The following FHIT variants were observed in gnomAD, a reference collection of about 807,000 sequenced individuals.
FHIT encodes the protein fragile histidine triad diadenosine triphosphatase, also known as bis(5'-adenosyl)-triphosphatase.
A neutral mutation model predicts 17.9 loss-of-function variants in FHIT; 19 were observed. The ratio of observed to expected loss-of-function variants is 1.06; its 90% CI spans 0.74 to 1.56. FHIT has a LOEUF of 1.56. Among genes scored for constraint, FHIT ranks in the 40% most tolerant of loss-of-function variants. The pLI, the probability that FHIT is intolerant of heterozygous loss-of-function variation, is 0.00. For missense variants in FHIT, 248 were observed against 189.2 expected, an observed-to-expected ratio of 1.31 and a Z score of -1.82; for synonymous variants, 81 against 69.7, an observed-to-expected ratio of 1.16 and a Z score of -0.81.
At position 60,612,910 on chromosome 3, in the gene FHIT, A is replaced by T. The variant is rs193204416; in HGVS notation, c.-17-75931T>A. ...GTATCTCAGGTAACTGCCAGCAACGAATCATATTTGGCATGAATGATAAAA... is the reference window on the plus strand; with the variant it reads ...GTATCTCAGGTAACTGCCAGCAACGTATCATATTTGGCATGAATGATAAAA... On this transcript the variant is annotated intron_variant, in intron 4 of 9. Coordinates refer to ENST00000492590, the MANE Select transcript of FHIT (RefSeq NM_002012.4). Among the ~76,000 whole-genome samples, 432 of 152,312 alleles carry T rather than the reference A, an allele frequency of 2.8e-3. 2 individuals are homozygous for T. Among genetic ancestry groups the T allele is most frequent in the South Asian group, 7.7e-3 (37 of 4,822 alleles).
At position 61,099,970 on chromosome 3, in the gene FHIT, T is replaced by C. The variant is rs1576011797; in HGVS notation, c.-163-57871A>G. Among the ~76,000 whole-genome samples the C allele has an allele frequency of 2.0e-5, 3 of 152,332 alleles. No homozygotes were observed. The Middle Eastern group carries it at 0.01, about 518-fold the overall frequency. ...AAGGTTCCCGAATCCTTGCTGATGC[T>C]TGTTATTGTTGTCTGGTTTAGTGGG... On this transcript the variant is annotated intron_variant, in intron 2 of 9. Coordinates refer to ENST00000492590, the MANE Select transcript of FHIT (RefSeq NM_002012.4).
chr3:60,379,936 T>C lies in FHIT; in HGVS notation c.103+156924A>G, dbSNP rs2107106806. ...CTGTGTTTCAATTTACAATTTTGTT[T>C]AACATATAACCTTTAAGGTATTCAA... On this transcript the variant is annotated intron_variant, in intron 5 of 9. Coordinates refer to ENST00000492590, the MANE Select transcript of FHIT (RefSeq NM_002012.4). Among the ~76,000 whole-genome samples, 3 of 152,352 alleles carry C rather than the reference T, an allele frequency of 2.0e-5. No homozygotes were observed. The Middle Eastern group carries it at 0.01, about 518-fold the overall frequency.
At chr3:61,169,668 C>G (rs940518690) in intron 2 of FHIT, among the ~76,000 whole-genome samples, 1 of 151,912 alleles carries the variant, frequency 6.6e-6, no homozygotes, top group Non-Finnish European at 1.5e-5. Context: ...TAAAATGATA[C>G]AAGACAAAAA....
chr3:60,028,692 T>C (rs1170006165), intron 5 of FHIT, among the ~76,000 whole-genome samples: 1 of 152,202 alleles, frequency 6.6e-6, no homozygotes, highest in African/African-American at 2.4e-5. Context: ...AATAAAATTA[T>C]AGAACAAATA....
chr3:59,947,369 T>G (rs372600072), intron 7 of FHIT, among the ~76,000 whole-genome samples: 1 of 152,168 alleles, frequency 6.6e-6, no homozygotes, highest in African/African-American at 2.4e-5. Flanking sequence ...GTCCCCTTTG[T>G]CATTTCTAAC....
chr3:61,242,709 G>C (rs565564602), intron 1 of FHIT, among the ~76,000 whole-genome samples: 27 of 152,148 alleles, frequency 1.8e-4, no homozygotes, highest in Non-Finnish European at 3.8e-4. Flanking sequence ...TAATTTGGTG[G>C]GTAGCGGGCC....
chr3:59,882,255 A>C (rs768990558), intron 8 of FHIT, among the ~76,000 whole-genome samples: 14 of 152,150 alleles, frequency 9.2e-5, no homozygotes, highest in Non-Finnish European at 1.8e-4. Flanking sequence ...AAACATATTC[A>C]CACTTTAACA....
chr3:60,810,318 G>A (rs1701535192), intron 4 of FHIT, among the ~76,000 whole-genome samples: 1 of 152,162 alleles, frequency 6.6e-6, no homozygotes, highest in Non-Finnish European at 1.5e-5. Context: ...CTGTAAAACA[G>A]AACAATTTCT....
At chr3:60,454,561 T>C (rs2031966391) in intron 5 of FHIT, among the ~76,000 whole-genome samples, 1 of 151,896 alleles carries the variant, frequency 6.6e-6, no homozygotes, top group South Asian at 2.1e-4. Flanking sequence ...ATTTTTGGTA[T>C]TTTTAGTAGA....
At chr3:59,891,069 C>T (rs1205203877) in intron 8 of FHIT, among the ~76,000 whole-genome samples, 1 of 152,182 alleles carries the variant, frequency 6.6e-6, no homozygotes, top group Non-Finnish European at 1.5e-5. Flanking sequence ...GGGTTATGTA[C>T]TCCTCAAGGG....
chr3:60,887,965 T>C (rs1705310592), intron 3 of FHIT, among the ~76,000 whole-genome samples: 1 of 152,202 alleles, frequency 6.6e-6, no homozygotes, highest in African/African-American at 2.4e-5. Flanking sequence ...CTTAGTGAAC[T>C]CTGATCCAAT....
intron 3 of FHIT, among the ~76,000 whole-genome samples, chr3:60,887,880 T>C (rs782160817): frequency 1.3e-5 from 2 of 152,098 alleles, no homozygotes; most frequent in African/African-American, 2.4e-5. Flanking sequence ...TAAAAGGAAA[T>C]TTCCCTTACA....
At chr3:61,213,152 A>T (rs1214503441) in intron 1 of FHIT, among the ~76,000 whole-genome samples, 1 of 152,326 alleles carries the variant, frequency 6.6e-6, no homozygotes, top group African/African-American at 2.4e-5. Flanking sequence ...TTCACACATA[A>T]CAATATTAAC....
At chr3:60,641,452 T>C (rs1553685261) in intron 4 of FHIT, among the ~76,000 whole-genome samples, 1 of 152,166 alleles carries the variant, frequency 6.6e-6, no homozygotes, top group African/African-American at 2.4e-5. Flanking sequence ...AGCATCAAAA[T>C]GGCTATGTCA....
At chr3:60,058,187 T>A (rs1387869926) in intron 5 of FHIT, among the ~76,000 whole-genome samples, 2 of 127,422 alleles carry the variant, frequency 1.6e-5, no homozygotes, top group African/African-American at 5.8e-5. Context: ...GTCACCAGGC[T>A]GGAGTGCAGT....
chr3:59,941,146 T>C (rs1032019625), intron 7 of FHIT, among the ~76,000 whole-genome samples: 1 of 152,168 alleles, frequency 6.6e-6, no homozygotes, highest in Non-Finnish European at 1.5e-5. Context: ...GGCTGAAAAC[T>C]AGGAAGTATA....
intron 8 of FHIT, among the ~76,000 whole-genome samples, chr3:59,807,967 A>G (rs1014392505): frequency 6.6e-6 from 1 of 152,202 alleles, no homozygotes; most frequent in Non-Finnish European, 1.5e-5. Context: ...TTTAAAGTAT[A>G]TCGTTCAGTG....
intron 3 of FHIT, among the ~76,000 whole-genome samples, chr3:61,016,193 T>A (rs193071504): frequency 1.6e-4 from 24 of 152,276 alleles, no homozygotes; most frequent in African/African-American, 5.5e-4. Flanking sequence ...AACCATATTT[T>A]ACGTAATGAG....
intron 7 of FHIT, among the ~76,000 whole-genome samples, chr3:60,000,633 T>C (rs957607849): frequency 5.9e-5 from 9 of 151,680 alleles, no homozygotes; most frequent in Admixed American, 2.0e-4. Flanking sequence ...CCACAGTGCC[T>C]AAGATAGACA....
Sources: gnomAD v4.1 joint callset for allele counts (sites outside exome capture counted in the v4.1 genomes callset) on GRCh38, gnomAD v4.1.1 for gene constraint, MANE v1.5 for transcripts, NCBI Gene and HGNC (gene_info 2026-07-23, HGNC 2026-07-21) for gene names.